RARS2: variants seen among roughly 807,000 people sequenced by gnomAD.
The protein encoded by RARS2 is probable arginine--tRNA ligase, mitochondrial.
In RARS2, 67 loss-of-function variants were observed where a neutral mutation model predicts 88.5. The ratio of observed to expected loss-of-function variants is 0.76; its 90% CI spans 0.62 to 0.93. RARS2 has a LOEUF of 0.93. Ranked by LOEUF, RARS2 falls within the 40% of genes least tolerant of loss-of-function variation. The probability of loss-of-function intolerance (pLI) is 0.00; values close to 1 mark genes in which losing one functional copy is unlikely to be tolerated. For synonymous variants in RARS2, 239 were observed against 230.3 expected (o/e 1.04, Z -0.34); for missense variants, 664 against 684.2 (o/e 0.97, Z 0.33).
intron 1 of RARS2, among the ~76,000 whole-genome samples, chr6:87,579,397 G>T (rs941380105): frequency 6.6e-6 from 1 of 152,128 alleles, no homozygotes; most frequent in Non-Finnish European, 1.5e-5. Flanking sequence ...CTGGGTAGCC[G>T]TTCGGTAGTG....
intron 19 of RARS2, 108 bp downstream of exon 19, chr6:87,514,849 G>T: frequency 1.1e-6 from 1 of 892,636 alleles, no homozygotes; most frequent in Non-Finnish European, 1.9e-6. Context: ...GAAGTATACT[G>T]CTACAGTTGA....
At chr6:87,572,751 A>G (rs1293322174) in intron 1 of RARS2, among the ~76,000 whole-genome samples, 1 of 152,070 alleles carries the variant, frequency 6.6e-6, no homozygotes, top group Non-Finnish European at 1.5e-5. Flanking sequence ...ATCTTACTAT[A>G]TTTCATTTGC....
At chr6:87,566,795 G>A (rs369710620) in intron 2 of RARS2, among the ~76,000 whole-genome samples, 58 of 142,774 alleles carry the variant, frequency 4.1e-4, no homozygotes, top group African/African-American at 1.4e-3. Flanking sequence ...GCAGTAAGCC[G>A]TGATTCTGCC....
chr6:87,527,117 T>C (rs750260698), intron 10 of RARS2, among the ~76,000 whole-genome samples: 3 of 151,996 alleles, frequency 2.0e-5, no homozygotes, highest in Non-Finnish European at 2.9e-5. Context: ...GAGATCATCC[T>C]GGCCAACACG....
At chr6:87,575,359 A>G (rs1330057515) in intron 1 of RARS2, among the ~76,000 whole-genome samples, 1 of 151,928 alleles carries the variant, frequency 6.6e-6, no homozygotes, top group Non-Finnish European at 1.5e-5. Context: ...TGAGGGCAGA[A>G]GTGATGAGAG....
intron 6 of RARS2, among the ~76,000 whole-genome samples, chr6:87,546,331 T>C (rs143657405): frequency 1.3e-3 from 194 of 152,308 alleles, no homozygotes; most frequent in African/African-American, 3.9e-3. Flanking sequence ...AGTAGTCTTC[T>C]AGGTTTGGGC....
intron 3 of RARS2, 46 bp from the exon 4 acceptor site, chr6:87,562,831 C>T (rs920757594): frequency 1.4e-6 from 2 of 1,404,904 alleles, no homozygotes; most frequent in South Asian, 1.2e-5. Flanking sequence ...TATAATAGGC[C>T]TAATGAGATA....
In RARS2 at chr6:87,533,241, TTC is replaced by T. The variant is rs201716218; in HGVS notation, c.613-2301_613-2300del. Among the ~76,000 whole-genome samples, 921 of 151,946 alleles carry T rather than the reference TTC, an allele frequency of 6.1e-3. 5 individuals are homozygous for T. Among genetic ancestry groups the T allele is most frequent in the African/African-American group, 0.019 (799 of 41,412 alleles). ...TTTTAGAAAAAACTTCACCAGAATC[TTC>T]TCTTTCTTAAAAAATAGAAATAATT... is the stretch of plus-strand genomic sequence containing the variant. On this transcript the variant is annotated intron_variant, in intron 8 of 19. Coordinates refer to ENST00000369536, the MANE Select transcript of RARS2 (RefSeq NM_020320.5).
chr6:87,587,388 A>C (rs1775485847), intron 1 of RARS2, among the ~76,000 whole-genome samples: 1 of 152,176 alleles, frequency 6.6e-6, no homozygotes, highest in African/African-American at 2.4e-5. Context: ...AACGTATTGA[A>C]AATATTATTA....
chr6:87,536,718 T>C (rs1167430126), intron 8 of RARS2, among the ~76,000 whole-genome samples: 4 of 152,094 alleles, frequency 2.6e-5, no homozygotes, highest in Non-Finnish European at 5.9e-5. Flanking sequence ...GTCTAAAGCT[T>C]ATTGCAAATG....
intron 1 of RARS2, among the ~76,000 whole-genome samples, chr6:87,575,264 CA>C (rs1000369324): frequency 1.3e-5 from 2 of 148,400 alleles, no homozygotes; most frequent in Admixed American, 6.7e-5. Context: ...CACACACACA[CA>C]CACACACACA....
At chr6:87,543,259 C>G (rs1781586209) in intron 7 of RARS2, among the ~76,000 whole-genome samples, 1 of 148,314 alleles carries the variant, frequency 6.7e-6, no homozygotes, top group Admixed American at 6.7e-5. Flanking sequence ...GCCGAGATCC[C>G]GCCATTGCAT....
At chr6:87,549,341 A>C (rs1248307177) in intron 5 of RARS2, among the ~76,000 whole-genome samples, 1 of 151,850 alleles carries the variant, frequency 6.6e-6, no homozygotes, top group East Asian at 1.9e-4. Flanking sequence ...GGGTGATGAG[A>C]GCAAAACTCT....
At chr6:87,549,073 G>A (rs1303348695) in intron 5 of RARS2, among the ~76,000 whole-genome samples, 1 of 152,006 alleles carries the variant, frequency 6.6e-6, no homozygotes, top group Non-Finnish European at 1.5e-5. Context: ...TTAGTCAGGT[G>A]GCTGGGTGTG....
At chr6:87,517,985 G>C (rs916667211) in intron 17 of RARS2, among the ~76,000 whole-genome samples, 184 bp downstream of exon 17, 1 of 152,152 alleles carries the variant, frequency 6.6e-6, no homozygotes, top group Non-Finnish European at 1.5e-5. Flanking sequence ...TCCTCCTTGG[G>C]CATTGGCTTA....
chr6:87,516,573 C>T (rs1038570543), intron 18 of RARS2, among the ~76,000 whole-genome samples: 1 of 152,198 alleles, frequency 6.6e-6, no homozygotes, highest in South Asian at 2.1e-4. Context: ...AACACATGCA[C>T]TGTGCTGTAA....
chr6:87,583,911 T>C (rs1361157700), intron 1 of RARS2, among the ~76,000 whole-genome samples: 1 of 152,128 alleles, frequency 6.6e-6, no homozygotes, highest in African/African-American at 2.4e-5. Context: ...GAAATGAAAA[T>C]TTCAAGTACT....
chr6:87,550,699 G>A (rs1254899950), intron 5 of RARS2, among the ~76,000 whole-genome samples: 1 of 133,352 alleles, frequency 7.5e-6, no homozygotes, highest in African/African-American at 3.0e-5. Context: ...CCTCAATGAA[G>A]CCGATTTAAG....
At chr6:87,586,152 A>G (rs1428791538) in intron 1 of RARS2, among the ~76,000 whole-genome samples, 1 of 152,192 alleles carries the variant, frequency 6.6e-6, no homozygotes, top group African/African-American at 2.4e-5. Context: ...CAAACACCCC[A>G]TCAGAAGGCT....
Sources: gnomAD v4.1 joint callset for allele counts (sites outside exome capture counted in the v4.1 genomes callset) on GRCh38, gnomAD v4.1.1 for gene constraint, MANE v1.5 for transcripts, NCBI Gene and HGNC (gene_info 2026-07-23, HGNC 2026-07-21) for gene names.